Variants in DIAPH3 observed in about 807,000 individuals in gnomAD.
DIAPH3 encodes the protein protein diaphanous homolog 3.
In DIAPH3, 117 loss-of-function variants were observed where a neutral mutation model predicts 144.3. The ratio of observed to expected loss-of-function variants is 0.81; its 90% CI spans 0.70 to 0.95. The LOEUF (loss-of-function observed/expected upper bound fraction) is 0.95. Ranked by LOEUF, DIAPH3 falls within the 40% of genes least tolerant of loss-of-function variation. DIAPH3 has a pLI of 0.00. For synonymous variants in DIAPH3, 519 were observed against 488.9 expected, an observed-to-expected ratio of 1.06 and a Z score of -0.81; for missense variants, 1,421 against 1,412.7, an observed-to-expected ratio of 1.01 and a Z score of -0.09.
At chr13:60,013,769 A>G (rs1414778519) in intron 7 of DIAPH3, among the ~76,000 whole-genome samples, 1 of 152,176 alleles carries the variant, frequency 6.6e-6, no homozygotes, top group Non-Finnish European at 1.5e-5. Flanking sequence ...GAGGTTTAAC[A>G]AATTTTGTAC....
intron 24 of DIAPH3, among the ~76,000 whole-genome samples, chr13:59,814,803 T>C (rs2040676954): frequency 6.6e-6 from 1 of 152,226 alleles, no homozygotes; most frequent in Admixed American, 6.5e-5. Context: ...AGAAATTCTT[T>C]GAGTGTTACT....
chr13:59,810,233 T>C (rs941531626), intron 25 of DIAPH3, among the ~76,000 whole-genome samples: 4 of 152,128 alleles, frequency 2.6e-5, no homozygotes, highest in Non-Finnish European at 4.4e-5. Context: ...GATCAAGGCA[T>C]ACTGCAGCCT....
chr13:60,029,287 T>A (rs1301738107), intron 5 of DIAPH3, among the ~76,000 whole-genome samples: 1 of 152,104 alleles, frequency 6.6e-6, no homozygotes, highest in African/African-American at 2.4e-5. Flanking sequence ...GGCCCACCAC[T>A]GCTACAATCC....
At chr13:59,984,417 T>C (rs1337810967) in intron 12 of DIAPH3, among the ~76,000 whole-genome samples, 1 of 151,502 alleles carries the variant, frequency 6.6e-6, no homozygotes, top group Non-Finnish European at 1.5e-5. Context: ...AATAGAAAAA[T>C]TCAGTATAAT....
rs139987115 is a variant in DIAPH3 at position 59,997,536 on chromosome 13, T to C, written c.1015-4953A>G. On this transcript the variant is annotated intron_variant, in intron 9 of 27. Transcript: ENST00000400324. The stretch of plus-strand genomic sequence containing the variant: ...AGTGCCAGCATCCCTTTGAAATATT[T>C]ATTTATTTTCTTTTGGGTGGATACT... Among the ~76,000 whole-genome samples, 169 of 152,226 alleles carry C rather than the reference T, an allele frequency of 1.1e-3. 1 individual carries two copies. Among genetic ancestry groups the C allele is most frequent in the African/African-American group, 3.9e-3 (163 of 41,546 alleles).
chr13:59,815,728 T>C (rs1246792771), intron 24 of DIAPH3, among the ~76,000 whole-genome samples: 1 of 152,158 alleles, frequency 6.6e-6, no homozygotes, highest in African/African-American at 2.4e-5. Context: ...TGCGCTGGGA[T>C]TACAGGGATG....
chr13:59,810,536 G>C (rs1476643816), intron 25 of DIAPH3, among the ~76,000 whole-genome samples: 2 of 152,156 alleles, frequency 1.3e-5, no homozygotes, highest in East Asian at 1.9e-4. Context: ...AAAGAAACGT[G>C]AATACGCTGG....
chr13:59,743,120 G>C (rs2036542273), intron 27 of DIAPH3, among the ~76,000 whole-genome samples: 1 of 152,104 alleles, frequency 6.6e-6, no homozygotes, highest in African/African-American at 2.4e-5. Flanking sequence ...CTAAACTACT[G>C]GAACTTACAC....
At chr13:60,140,861 C>T (rs1476073136) in intron 1 of DIAPH3, among the ~76,000 whole-genome samples, 1 of 151,896 alleles carries the variant, frequency 6.6e-6, no homozygotes, top group African/African-American at 2.4e-5. Context: ...TTTTAATAGG[C>T]TAGTTTTTTA....
At chr13:59,834,790 TA>T (rs964023301) in intron 23 of DIAPH3, among the ~76,000 whole-genome samples, 1 of 151,792 alleles carries the variant, frequency 6.6e-6, no homozygotes. Flanking sequence ...AAATTCATTA[TA>T]AAAATATTGA....
intron 22 of DIAPH3, 82 bp downstream of exon 22, chr13:59,861,325 T>C (rs1367076245): frequency 6.2e-7 from 1 of 1,607,076 alleles, no homozygotes; most frequent in South Asian, 1.1e-5. Context: ...AAGTGGAAAG[T>C]ACATACAAAT....
rs575690884 is a variant in DIAPH3, at chr13:59,894,973, TACA to T, written c.2368-15508_2368-15506del. Reference sequence around the variant, plus strand: ...ACCATAAGAAGATGACACATAATGCTACAACAAGGAACAAAATATTGACAGAAT... The same window carrying T: ...ACCATAAGAAGATGACACATAATGCTACAAGGAACAAAATATTGACAGAAT... On this transcript the variant is annotated intron_variant, in intron 20 of 27. Transcript: ENST00000400324. Among the ~76,000 whole-genome samples, 41 of 152,156 alleles carry T rather than the reference TACA, an allele frequency of 2.7e-4. 1 individual carries two copies. The highest frequency in any genetic ancestry group is 3.4e-3 in the Middle Eastern group (1 of 294).
intron 27 of DIAPH3, among the ~76,000 whole-genome samples, chr13:59,682,478 T>C (rs2138640901): frequency 6.6e-6 from 1 of 152,324 alleles, no homozygotes. Context: ...TGAGCCTCCA[T>C]GCCTGGCTTC....
At chr13:59,789,687 C>T (rs1357532073) in intron 25 of DIAPH3, among the ~76,000 whole-genome samples, 1 of 152,102 alleles carries the variant, frequency 6.6e-6, no homozygotes, top group Non-Finnish European at 1.5e-5. Context: ...AGCAGTCATG[C>T]TCTGACAGCA....
At chr13:59,762,074 T>TTTTTTTC (rs1230589043) in intron 27 of DIAPH3, among the ~76,000 whole-genome samples, 1 of 108,186 alleles carries the variant, frequency 9.2e-6, no homozygotes, top group Non-Finnish European at 1.9e-5. Context: ...TTTTTTTTTT[T>TTTTTTTC]TTTTTTAGAC....
intron 25 of DIAPH3, among the ~76,000 whole-genome samples, chr13:59,796,568 T>C (rs2039617610): frequency 6.6e-6 from 1 of 152,242 alleles, no homozygotes; most frequent in South Asian, 2.1e-4. Context: ...ACTATGAGAT[T>C]CATAAATGAA....
chr13:60,057,140 C>A (rs535785884), intron 4 of DIAPH3, among the ~76,000 whole-genome samples: 1 of 151,770 alleles, frequency 6.6e-6, no homozygotes, highest in South Asian at 2.1e-4. Context: ...GATCTTATAG[C>A]TAGAAAACCC....
At chr13:60,067,159 C>T (rs1478120809) in intron 4 of DIAPH3, among the ~76,000 whole-genome samples, 2 of 151,890 alleles carry the variant, frequency 1.3e-5, no homozygotes, top group African/African-American at 4.8e-5. Context: ...GTGGCATATG[C>T]CTGTAGTCCC....
intron 3 of DIAPH3, among the ~76,000 whole-genome samples, chr13:60,102,754 A>G (rs145037097): frequency 0.013 from 2,056 of 152,300 alleles, 24 homozygotes; most frequent in Non-Finnish European, 0.021. Flanking sequence ...GTGACCTAGA[A>G]CAGAGTCAAT....
Sources: gnomAD v4.1 joint callset for allele counts (sites outside exome capture counted in the v4.1 genomes callset) on GRCh38, gnomAD v4.1.1 for gene constraint, MANE v1.5 for transcripts, NCBI Gene and HGNC (gene_info 2026-07-23, HGNC 2026-07-21) for gene names.